TRIR: variants seen among roughly 807,000 people sequenced by gnomAD.
TRIR encodes the protein telomerase RNA component-interacting RNase.
A neutral mutation model predicts 18.2 loss-of-function variants in TRIR; 5 were observed. That is an observed-to-expected ratio of 0.27 (90% CI 0.14 to 0.58). The LOEUF is 0.58. Ranked by LOEUF, TRIR falls within the 20% of genes least tolerant of loss-of-function variation. The probability of loss-of-function intolerance (pLI) is 0.91; values close to 1 mark genes in which losing one functional copy is unlikely to be tolerated. For missense variants in TRIR, 206 were observed against 252.8 expected (o/e 0.81, Z 1.25); for synonymous variants, 134 against 114.4 (o/e 1.17, Z -1.10).
chr19:12,730,668 C>A lies in TRIR; in HGVS notation c.*293G>T. On this transcript the variant is annotated 3_prime_UTR_variant, in exon 3 of 3. Coordinates refer to ENST00000242784, the MANE Select transcript of TRIR (RefSeq NM_024038.4). Reference sequence around the variant, plus strand: ...GGCACTAAGTCAAGTTCTTTACTTCCCAGAAGTGATGGCTAAGGGGAGGGA... The same window carrying A: ...GGCACTAAGTCAAGTTCTTTACTTCACAGAAGTGATGGCTAAGGGGAGGGA... The A allele has an allele frequency of 2.1e-6, 1 of 484,212 alleles. No individual in the cohort carries two copies. The highest frequency in any genetic ancestry group is 3.8e-6 in the Non-Finnish European group (1 of 265,824). 30.0% of individuals were successfully genotyped at this position (484,212 alleles called of 1,614,324 possible).
At chr19:12,732,745 A>G (rs1357032209) in intron 1 of TRIR, among the ~76,000 whole-genome samples, 2 of 151,866 alleles carry the variant, frequency 1.3e-5, no homozygotes, top group African/African-American at 4.8e-5. Context: ...ATGCACCACC[A>G]TGCCTGGCTA....
chr19:12,734,418 C>T lies in TRIR; in HGVS notation c.240G>A (p.Arg80=). The part of the protein sequence containing the change: ...KRKMEEEQRQ[R]QEEPPPGPQR... ...GCGGACCCGGGGGCGGCTCCTCCTGCCGCTGCCGCTGCTCCTCCTCCATCT... is the reference window on the plus strand; with the variant it reads ...GCGGACCCGGGGGCGGCTCCTCCTGTCGCTGCCGCTGCTCCTCCTCCATCT... The change falls in exon 1 of 3, where the codon CGG becomes CGA. Residue 80 remains arginine (R), a synonymous_variant. Transcript: ENST00000242784. The surrounding 1 kb of genome is among the most constrained non-coding windows in gnomAD (Gnocchi z 4.1). 2.6e-6 allele frequency: 4 copies of T among 1,521,780 alleles called. No homozygotes were observed. The highest frequency in any genetic ancestry group is 3.5e-6 in the Non-Finnish European group (4 of 1,135,622). 94.3% of individuals were successfully genotyped at this position (1,521,780 alleles called of 1,614,324 possible). A position where few individuals can be genotyped will look rare whatever the true frequency, so the allele number is the denominator to read the frequency against.
chr19:12,732,304 C>G (rs1490396155), intron 1 of TRIR, among the ~76,000 whole-genome samples: 1 of 152,106 alleles, frequency 6.6e-6, no homozygotes, highest in African/African-American at 2.4e-5. Context: ...TGTGCCTAGC[C>G]TGGCATGGCC....
intron 1 of TRIR, among the ~76,000 whole-genome samples, chr19:12,733,161 G>A (rs1267117455): frequency 6.6e-6 from 1 of 151,912 alleles, no homozygotes; most frequent in African/African-American, 2.4e-5. Context: ...CACCCACCTC[G>A]ACCTCCCAAA....
At position 12,734,520 on chromosome 19, in the gene TRIR, G is replaced by C; in HGVS notation, c.138C>G (p.Gly46=). 6.5e-7 allele frequency: 1 copy of C among 1,535,834 alleles called. No homozygotes were observed. ...SPESGDEEVS[G]AGSSPVSGGV... is the part of the protein sequence containing the mutation. ...CGCCCGACACCGGGCTCGAACCCGC[G>C]CCCGACACCTCCTCGTCCCCGCTCT... Residue 46 remains glycine (G), a synonymous_variant, in exon 1 of 3, where the codon GGC becomes GGG. Coordinates refer to ENST00000242784, the MANE Select transcript of TRIR (RefSeq NM_024038.4). The surrounding 1 kb of genome is among the most constrained non-coding windows in gnomAD (Gnocchi z 4.1).
Position 12,734,398 on chromosome 19 carries a change from C to T in TRIR, c.260G>A (p.Gly87Asp). 6.6e-7 allele frequency: 1 copy of T among 1,514,914 alleles called. No individual in the cohort carries two copies. Among genetic ancestry groups the T allele is most frequent in the Non-Finnish European group, 8.8e-7 (1 of 1,132,892 alleles). 93.8% of individuals were successfully genotyped at this position (1,514,914 alleles called of 1,614,324 possible). ...GGCCGACTGGTCGGGTCGCTGCGGACCCGGGGGCGGCTCCTCCTGCCGCTG... is the reference window on the plus strand; with the variant it reads ...GGCCGACTGGTCGGGTCGCTGCGGATCCGGGGGCGGCTCCTCCTGCCGCTG... ...QRQRQEEPPP[G>D]PQRPDQSAAA... The change falls in exon 1 of 3, where the codon GGT becomes GAT. Residue 87 changes from glycine (G) to aspartate (D), a missense_variant. By Grantham distance (94) the Gly-to-Asp change is moderately conservative. Coordinates refer to ENST00000242784, the MANE Select transcript of TRIR (RefSeq NM_024038.4). The surrounding 1 kb of genome is among the most constrained non-coding windows in gnomAD (Gnocchi z 4.1).
Position 12,731,518 on chromosome 19 carries a change from C to G in TRIR, c.346-97G>C. 7.6e-7 allele frequency: 1 copy of G among 1,323,522 alleles called. No homozygotes were observed. The highest frequency in any genetic ancestry group is 1.4e-5 in the South Asian group (1 of 71,968). The allele number at this position is 1,323,522 out of a possible 1,614,324, so 82.0% of individuals were successfully genotyped here. A position where few individuals can be genotyped will look rare whatever the true frequency, so the allele number is the denominator to read the frequency against. The stretch of plus-strand genomic sequence containing the variant: ...ACACCTTCCTAGCCCGGCCTGGTGG[C>G]CCGTCCTGACGCCGCGCCCAGCTCC... On this transcript the variant is annotated intron_variant, in intron 1 of 2. Transcript: ENST00000242784. This position sits in a 1 kb window ranked among gnomAD's most constrained non-coding sequence, Gnocchi z 5.1.
rs763771603 is a variant in TRIR at position 12,731,508 on chromosome 19, G to T, written c.346-87C>A. The T allele has an allele frequency of 5.0e-6, 7 of 1,402,042 alleles. No homozygotes were observed. Among genetic ancestry groups the T allele is most frequent in the South Asian group, 2.7e-5 (2 of 74,642 alleles). The allele number at this position is 1,402,042 out of a possible 1,614,324, so 86.9% of individuals were successfully genotyped here. Reference sequence around the variant, plus strand: ...GAGGCCCACTACACCTTCCTAGCCCGGCCTGGTGGCCCGTCCTGACGCCGC... The same window carrying T: ...GAGGCCCACTACACCTTCCTAGCCCTGCCTGGTGGCCCGTCCTGACGCCGC... On this transcript the variant is annotated intron_variant, in intron 1 of 2. Transcript: ENST00000242784. The surrounding 1 kb of genome is among the most constrained non-coding windows in gnomAD (Gnocchi z 5.1).
In TRIR at chr19:12,731,570, CAG is replaced by C. The variant is rs1967428875; in HGVS notation, c.346-151_346-150del. ...CCAGCCGGCCGACCTGCGCAGCAAT[CAG>C]AGAGGAGCACACGCGACTCAGCGCC... On this transcript the variant is annotated intron_variant, in intron 1 of 2. Transcript: ENST00000242784. This position sits in a 1 kb window ranked among gnomAD's most constrained non-coding sequence, Gnocchi z 5.1. 1.0e-5 allele frequency: 8 copies of C among 787,330 alleles called. No individual in the cohort carries two copies. Among genetic ancestry groups the C allele is most frequent in the South Asian group, 5.3e-5 (3 of 56,476 alleles). The allele number at this position is 787,330 out of a possible 1,614,324, so 48.8% of individuals were successfully genotyped here. A position where few individuals can be genotyped will look rare whatever the true frequency, so the allele number is the denominator to read the frequency against.
Position 12,734,650 on chromosome 19 carries a change from G to C in TRIR, c.8C>G (p.Ala3Gly). Residue 3 changes from alanine to glycine, a missense_variant, in exon 1 of 3, where the codon GCC (alanine) becomes GGC (glycine). This residue lies in a region of TRIR where 172 missense variants were observed against 165.0 expected (regional missense o/e 1.04). Coordinates refer to ENST00000242784, the MANE Select transcript of TRIR (RefSeq NM_024038.4). The surrounding 1 kb of genome is among the most constrained non-coding windows in gnomAD (Gnocchi z 4.1). MA[A>G]RGRRAEPQGR... ...CTGAGGCTCCGCCCGTCTCCCTCGG[G>C]CAGCCATTTTGTCGCCAGGTGCCGC... 1 of 1,506,744 alleles carries C rather than the reference G, an allele frequency of 6.6e-7. No individual in the cohort carries two copies. Among genetic ancestry groups the C allele is most frequent in the Non-Finnish European group, 8.8e-7 (1 of 1,136,032 alleles). The allele number at this position is 1,506,744 out of a possible 1,614,324, so 93.3% of individuals were successfully genotyped here.
At position 12,731,679 on chromosome 19, in the gene TRIR, G is replaced by C. The variant is rs556480481; in HGVS notation, c.346-258C>G. On this transcript the variant is annotated intron_variant, in intron 1 of 2. Coordinates refer to ENST00000242784, the MANE Select transcript of TRIR (RefSeq NM_024038.4). This position sits in a 1 kb window ranked among gnomAD's most constrained non-coding sequence, Gnocchi z 5.1. ...GACCAGCTCTGTTCTCACTTTCCACGCCAAGGCCTCACCCTCCCTAGCAGG... is the reference window on the plus strand; with the variant it reads ...GACCAGCTCTGTTCTCACTTTCCACCCCAAGGCCTCACCCTCCCTAGCAGG... 79 of 517,714 alleles carry C rather than the reference G, an allele frequency of 1.5e-4. No homozygotes were observed. The highest frequency in any genetic ancestry group is 2.6e-4 in the Non-Finnish European group (75 of 292,074). 32.1% of individuals were successfully genotyped at this position (517,714 alleles called of 1,614,324 possible).
chr19:12,730,899 T>G lies in TRIR; in HGVS notation c.*62A>C. 2 of 1,466,572 alleles carry G rather than the reference T, an allele frequency of 1.4e-6. No individual in the cohort carries two copies. Among genetic ancestry groups the G allele is most frequent in the African/African-American group, 1.4e-5 (1 of 71,846 alleles). The allele number at this position is 1,466,572 out of a possible 1,614,324, so 90.8% of individuals were successfully genotyped here. On this transcript the variant is annotated 3_prime_UTR_variant, in exon 3 of 3. Coordinates refer to ENST00000242784, the MANE Select transcript of TRIR (RefSeq NM_024038.4). ...CAGGGAAGGCTGTCGCCGCTGCCGC[T>G]GCATTAAATAGTTATGTACATCGCA...
In TRIR at chr19:12,734,524, G is replaced by C; in HGVS notation, c.134C>G (p.Ser45Trp). The C allele has an allele frequency of 6.5e-7, 1 of 1,535,816 alleles. No individual in the cohort carries two copies. The change falls in exon 1 of 3, where the codon TCG becomes TGG. Residue 45 changes from serine (S) to tryptophan (W), a missense_variant. By Grantham distance (177) the Ser-to-Trp change is radical. Transcript: ENST00000242784. This position sits in a 1 kb window ranked among gnomAD's most constrained non-coding sequence, Gnocchi z 4.1. ...TSPESGDEEV[S>W]GAGSSPVSGG... Reference sequence around the variant, plus strand: ...CGACACCGGGCTCGAACCCGCGCCCGACACCTCCTCGTCCCCGCTCTCGGG... The same window carrying C: ...CGACACCGGGCTCGAACCCGCGCCCCACACCTCCTCGTCCCCGCTCTCGGG...
At position 12,730,924 on chromosome 19, in the gene TRIR, A is replaced by C; in HGVS notation, c.*37T>G. On this transcript the variant is annotated 3_prime_UTR_variant, in exon 3 of 3. Coordinates refer to ENST00000242784, the MANE Select transcript of TRIR (RefSeq NM_024038.4). The stretch of plus-strand genomic sequence containing the variant: ...TGCATTAAATAGTTATGTACATCGC[A>C]GAGAGTCCCAGGCCATGGGCAGGTG... 1.3e-6 allele frequency: 2 copies of C among 1,561,598 alleles called. No homozygotes were observed. Among genetic ancestry groups the C allele is most frequent in the Non-Finnish European group, 1.8e-6 (2 of 1,132,438 alleles).
rs148819513 is a variant in TRIR at position 12,733,847 on chromosome 19, T to C, written c.345+466A>G. ...AGCACAATGCCTAGCACGAGGTAAATTGCTCAATAAATGGAGGTTGGTCGA... is the reference window on the plus strand; with the variant it reads ...AGCACAATGCCTAGCACGAGGTAAACTGCTCAATAAATGGAGGTTGGTCGA... On this transcript the variant is annotated intron_variant, in intron 1 of 2. Transcript: ENST00000242784. 2.0e-4 allele frequency among the ~76,000 whole-genome samples: 31 copies of C among 152,262 alleles called. 1 individual carries two copies. Among genetic ancestry groups the C allele is most frequent in the African/African-American group, 6.3e-4 (26 of 41,554 alleles).
chr19:12,734,451 G>A lies in TRIR; in HGVS notation c.207C>T (p.Phe69=). ...GCTGCTCCTCCTCCATCTTCCGCTT[G>A]AACAGCTCCAGGAAGCTGCCGTCGT... ...FANDGSFLEL[F]KRKMEEEQRQ... is the part of the protein sequence containing the mutation. Residue 69 remains phenylalanine, a synonymous_variant, in exon 1 of 3, where the codon TTC becomes TTT. Transcript: ENST00000242784. This position sits in a 1 kb window ranked among gnomAD's most constrained non-coding sequence, Gnocchi z 4.1. 1 of 1,533,888 alleles carries A rather than the reference G, an allele frequency of 6.5e-7. No individual in the cohort carries two copies. The highest frequency in any genetic ancestry group is 8.8e-7 in the Non-Finnish European group (1 of 1,141,752).
chr19:12,734,384 C>A lies in TRIR; in HGVS notation c.274G>T (p.Asp92Tyr). Residue 92 changes from aspartate to tyrosine, a missense_variant, in exon 1 of 3, where the codon GAC becomes TAC. Coordinates refer to ENST00000242784, the MANE Select transcript of TRIR (RefSeq NM_024038.4). The surrounding 1 kb of genome is among the most constrained non-coding windows in gnomAD (Gnocchi z 4.1). ...EEPPPGPQRP[D>Y]QSAAAAGPGD... ...GGGCCAGCGGCGGCGGCCGACTGGT[C>A]GGGTCGCTGCGGACCCGGGGGCGGC... 2 of 1,494,988 alleles carry A rather than the reference C, an allele frequency of 1.3e-6. No homozygotes were observed. Among genetic ancestry groups the A allele is most frequent in the Non-Finnish European group, 8.9e-7 (1 of 1,123,498 alleles). 92.6% of individuals were successfully genotyped at this position (1,494,988 alleles called of 1,614,324 possible). A position where few individuals can be genotyped will look rare whatever the true frequency, so the allele number is the denominator to read the frequency against.
chr19:12,734,612 G>C lies in TRIR; in HGVS notation c.46C>G (p.Pro16Ala). 2.0e-6 allele frequency: 3 copies of C among 1,517,606 alleles called. No homozygotes were observed. Among genetic ancestry groups the C allele is most frequent in the Non-Finnish European group, 2.6e-6 (3 of 1,139,212 alleles). 94.0% of individuals were successfully genotyped at this position (1,517,606 alleles called of 1,614,324 possible). A position where few individuals can be genotyped will look rare whatever the true frequency, so the allele number is the denominator to read the frequency against. The change falls in exon 1 of 3, where the codon CCG (proline) becomes GCG (alanine). Residue 16 changes from proline (P) to alanine (A), a missense_variant. Around this residue, in one of 2 missense-constraint regions of TRIR, gnomAD observed 172 missense variants for 165.0 expected, o/e 1.04. Coordinates refer to ENST00000242784, the MANE Select transcript of TRIR (RefSeq NM_024038.4). This position sits in a 1 kb window ranked among gnomAD's most constrained non-coding sequence, Gnocchi z 4.1. ...RRAEPQGREA[P>A]GPAGGGGGGS... ...CCACCGCCACCGCCCGCGGGGCCCGGAGCCTCCCGGCCCTGAGGCTCCGCC... is the reference window on the plus strand; with the variant it reads ...CCACCGCCACCGCCCGCGGGGCCCGCAGCCTCCCGGCCCTGAGGCTCCGCC...
Position 12,734,516 on chromosome 19 carries a change from C to T in TRIR, c.142G>A (p.Gly48Ser), listed in dbSNP as rs1188759395. The T allele has an allele frequency of 2.0e-6, 3 of 1,536,298 alleles. No homozygotes were observed. The highest frequency in any genetic ancestry group is 2.0e-5 in the Admixed American group (1 of 50,458). ...ACGCCGCCCGACACCGGGCTCGAAC[C>T]CGCGCCCGACACCTCCTCGTCCCCG... The part of the protein sequence containing the change: ...ESGDEEVSGA[G>S]SSPVSGGVNL... Residue 48 changes from glycine to serine, a missense_variant, in exon 1 of 3, where the codon GGT becomes AGT. Physicochemically the swap from Gly to Ser is moderately conservative, Grantham distance 56. Coordinates refer to ENST00000242784, the MANE Select transcript of TRIR (RefSeq NM_024038.4). The surrounding 1 kb of genome is among the most constrained non-coding windows in gnomAD (Gnocchi z 4.1).
Sources: gnomAD v4.1 joint callset for allele counts (sites outside exome capture counted in the v4.1 genomes callset) on GRCh38, gnomAD v4.1.1 for gene constraint, gnomAD v4.1.1 regional missense constraint, Gnocchi (gnomAD v3.1) non-coding constraint, MANE v1.5 for transcripts, NCBI Gene and HGNC (gene_info 2026-07-23, HGNC 2026-07-21) for gene names.